PPP2R3A: variants seen among roughly 807,000 people sequenced by gnomAD.
PPP2R3A encodes the protein protein phosphatase 2 regulatory subunit B''alpha.
Under a neutral mutation model 106.9 loss-of-function variants are expected in PPP2R3A, and 80 were observed. The observed-to-expected ratio is 0.75, with a 90% CI of 0.62 to 0.90. The LOEUF is 0.90. Among genes scored for constraint, PPP2R3A ranks in the 40% least tolerant of loss-of-function variants. The pLI is 0.00. For synonymous variants in PPP2R3A, 483 were observed against 468.3 expected (o/e 1.03, Z -0.41); for missense variants, 1,386 against 1,350.4 (o/e 1.03, Z -0.41).
chr3:136,138,696 T>C (rs1190327071), intron 13 of PPP2R3A, among the ~76,000 whole-genome samples: 6 of 14,480 alleles, frequency 4.1e-4, no homozygotes, highest in African/African-American at 1.3e-3. Context: ...AAATATTGAA[T>C]TTTTTTTTTT....
rs1288141370 is a variant in PPP2R3A, at chr3:136,102,372, AGTCTCGCTTT to A, written c.3103+195_3103+204del. 7.9e-5 allele frequency among the ~76,000 whole-genome samples: 10 copies of A among 126,518 alleles called. No individual in the cohort carries two copies. The East Asian group carries it at 2.2e-3, about 28-fold the overall frequency. 83.0% of individuals were successfully genotyped at this position (126,518 alleles called of 152,430 possible). A position where few individuals can be genotyped will look rare whatever the true frequency, so the allele number is the denominator to read the frequency against. On this transcript the variant is annotated intron_variant, in intron 11 of 13. Coordinates refer to ENST00000264977, the MANE Select transcript of PPP2R3A (RefSeq NM_002718.5). ...TTTTTTTTTTTTTTTTTTGAGATGC[AGTCTCGCTTT>A]GTCTGCCAGGCTGGAGTACAATGGT...
intron 7 of PPP2R3A, among the ~76,000 whole-genome samples, chr3:136,078,881 C>G (rs185938445): frequency 6.6e-6 from 1 of 152,148 alleles, no homozygotes; most frequent in African/African-American, 2.4e-5. Context: ...GAGAAAAGTA[C>G]TAAAAATTCC....
At chr3:135,965,979 C>A in intron 1 of PPP2R3A, 130 bp downstream of exon 1, 1 of 153,250 alleles carries the variant, frequency 6.5e-6, no homozygotes, top group South Asian at 1.9e-4. Flanking sequence ...GGGCGGGGAC[C>A]GGCCTGGCCA....
At chr3:135,995,399 G>T (rs994086627) in intron 1 of PPP2R3A, among the ~76,000 whole-genome samples, 1 of 148,156 alleles carries the variant, frequency 6.7e-6, no homozygotes. Context: ...TTATCCTCTA[G>T]AACTTTTTTT....
chr3:136,122,641 A>C (rs1483217788), intron 13 of PPP2R3A, among the ~76,000 whole-genome samples: 1 of 152,242 alleles, frequency 6.6e-6, no homozygotes. Flanking sequence ...CAACAACAAA[A>C]AAATCTATTT....
intron 1 of PPP2R3A, among the ~76,000 whole-genome samples, chr3:135,976,618 T>A (rs990967630): frequency 2.0e-5 from 3 of 152,220 alleles, no homozygotes; most frequent in Admixed American, 2.0e-4. Context: ...CATCCTTTAT[T>A]ATAAAAATGG....
In PPP2R3A at chr3:136,111,564, C is replaced by T. The variant is rs531160373; in HGVS notation, c.3329+5242C>T. The stretch of plus-strand genomic sequence containing the variant: ...AAACTTAGAAGAAATTGATAAATTC[C>T]TGAAAACATACAACCTCCTAAGATT... On this transcript the variant is annotated intron_variant, in intron 13 of 13. Coordinates refer to ENST00000264977, the MANE Select transcript of PPP2R3A (RefSeq NM_002718.5). 2.0e-5 allele frequency among the ~76,000 whole-genome samples: 3 copies of T among 152,056 alleles called. No homozygotes were observed. In the South Asian group the frequency reaches 6.2e-4, roughly 32 times the overall value.
At chr3:136,056,653 C>T (rs1935872006) in intron 5 of PPP2R3A, among the ~76,000 whole-genome samples, 2 of 151,696 alleles carry the variant, frequency 1.3e-5, no homozygotes, top group Non-Finnish European at 2.9e-5. Context: ...GGTAAGGCTG[C>T]GTGACACTCG....
At chr3:136,102,455 T>C (rs997952572) in intron 11 of PPP2R3A, among the ~76,000 whole-genome samples, 8 of 151,080 alleles carry the variant, frequency 5.3e-5, no homozygotes, top group Admixed American at 4.0e-4. Context: ...CAAGTGATTC[T>C]CCTGCCTCAG....
intron 3 of PPP2R3A, among the ~76,000 whole-genome samples, chr3:136,032,535 T>C (rs998629440): frequency 6.7e-6 from 1 of 150,020 alleles, no homozygotes; most frequent in African/African-American, 2.4e-5. Flanking sequence ...TATTTATTTT[T>C]TTTTTTTCCT....
chr3:136,111,445 G>T (rs967385626), intron 13 of PPP2R3A, among the ~76,000 whole-genome samples: 3 of 152,218 alleles, frequency 2.0e-5, no homozygotes, highest in Non-Finnish European at 4.4e-5. Flanking sequence ...CAAACTACTT[G>T]AAAGTACATT....
At position 136,136,074 on chromosome 3, in the gene PPP2R3A, T is replaced by TATATA. The variant is rs1491542071; in HGVS notation, c.3330-8969_3330-8968insATATA. ...AAAAAAAAAAAAAAAAAAAAAAAAA[T>TATATA]TATATATATATATATATATAAAAAA... On this transcript the variant is annotated intron_variant, in intron 13 of 13. Coordinates refer to ENST00000264977, the MANE Select transcript of PPP2R3A (RefSeq NM_002718.5). Among the ~76,000 whole-genome samples, 297 of 30,258 alleles carry TATATA rather than the reference T, an allele frequency of 9.8e-3. 6 individuals are homozygous for TATATA. The highest frequency in any genetic ancestry group is 0.018 in the African/African-American group (256 of 13,924). The allele number at this position is 30,258 out of a possible 152,430, so 19.9% of individuals were successfully genotyped here. A position where few individuals can be genotyped will look rare whatever the true frequency, so the allele number is the denominator to read the frequency against.
At chr3:135,990,176 C>T (rs575452119) in intron 1 of PPP2R3A, among the ~76,000 whole-genome samples, 2 of 152,292 alleles carry the variant, frequency 1.3e-5, no homozygotes, top group Admixed American at 1.3e-4. Flanking sequence ...GCCATCCGTA[C>T]CATTCTTTGG....
chr3:136,116,714 C>T (rs1937777354), intron 13 of PPP2R3A, among the ~76,000 whole-genome samples: 1 of 152,146 alleles, frequency 6.6e-6, no homozygotes, highest in South Asian at 2.1e-4. Context: ...TATATGCACC[C>T]AATACAGGAG....
At chr3:136,035,804 T>C (rs1935065002) in intron 3 of PPP2R3A, among the ~76,000 whole-genome samples, 1 of 152,232 alleles carries the variant, frequency 6.6e-6, no homozygotes, top group Non-Finnish European at 1.5e-5. Context: ...TCCTCAATTA[T>C]TCTCCCAAGT....
At chr3:136,052,065 A>G (rs1449176919) in intron 5 of PPP2R3A, among the ~76,000 whole-genome samples, 2 of 152,218 alleles carry the variant, frequency 1.3e-5, no homozygotes, top group Admixed American at 6.5e-5. Flanking sequence ...AGACCATTTT[A>G]CCTGATAATA....
rs551234988 is a variant in PPP2R3A, at chr3:136,049,415, T to A, written c.2469+54T>A. 60 of 1,334,728 alleles carry A rather than the reference T, an allele frequency of 4.5e-5. No individual in the cohort carries two copies. The African/African-American group carries it at 8.3e-4, about 18-fold the overall frequency. The allele number at this position is 1,334,728 out of a possible 1,614,324, so 82.7% of individuals were successfully genotyped here. On this transcript the variant is annotated intron_variant, in intron 5 of 13. Coordinates refer to ENST00000264977, the MANE Select transcript of PPP2R3A (RefSeq NM_002718.5). Reference sequence around the variant, plus strand: ...TTCTAATTTTGGAGTTTCAGCAGTTTTGTTTAAAATTTACAACTATAACAT... The same window carrying A: ...TTCTAATTTTGGAGTTTCAGCAGTTATGTTTAAAATTTACAACTATAACAT...
intron 4 of PPP2R3A, among the ~76,000 whole-genome samples, chr3:136,044,570 C>CAAAAAA (rs1247139572): frequency 8.6e-4 from 65 of 75,928 alleles, no homozygotes; most frequent in African/African-American, 1.6e-3. Flanking sequence ...GACCCTGTCT[C>CAAAAAA]AAAAAAAAAA....
At chr3:136,029,546 C>T (rs974514735) in intron 3 of PPP2R3A, among the ~76,000 whole-genome samples, 2 of 151,962 alleles carry the variant, frequency 1.3e-5, no homozygotes, top group Non-Finnish European at 2.9e-5. Flanking sequence ...GGTGGGGAGC[C>T]GGAGGAACGA....
Sources: gnomAD v4.1 joint callset for allele counts (sites outside exome capture counted in the v4.1 genomes callset) on GRCh38, gnomAD v4.1.1 for gene constraint, MANE v1.5 for transcripts, NCBI Gene and HGNC (gene_info 2026-07-23, HGNC 2026-07-21) for gene names.